RALGAPA1: variants seen among roughly 807,000 people sequenced by gnomAD.
RALGAPA1 encodes Ral GTPase activating protein catalytic subunit alpha 1.
RALGAPA1 carries 52 observed loss-of-function variants against 269.6 expected under a neutral mutation model. The ratio of observed to expected loss-of-function variants is 0.19; its 90% CI spans 0.15 to 0.24. The LOEUF is 0.24. Ranked by LOEUF, RALGAPA1 falls within the 10% of genes least tolerant of loss-of-function variation. The pLI is 1.00. For synonymous variants in RALGAPA1, 817 were observed against 1,008.3 expected (o/e 0.81, Z 3.60); for missense variants, 1,917 against 3,013.9 (o/e 0.64, Z 8.52).
intron 15 of RALGAPA1, among the ~76,000 whole-genome samples, chr14:35,722,499 G>A (rs1166499935): frequency 6.6e-6 from 1 of 151,908 alleles, no homozygotes; most frequent in African/African-American, 2.4e-5. Flanking sequence ...TGTAGTCCCA[G>A]CTACTTGGGA....
intron 39 of RALGAPA1, among the ~76,000 whole-genome samples, chr14:35,551,523 G>A (rs1215051145): frequency 6.6e-6 from 1 of 152,040 alleles, no homozygotes; most frequent in Non-Finnish European, 1.5e-5. Flanking sequence ...AAAGTAGGGT[G>A]GAGACACCTA....
intron 41 of RALGAPA1, chr14:35,541,783 AG>A (rs1237385874): frequency 2.2e-6 from 1 of 457,168 alleles, no homozygotes; most frequent in Admixed American, 2.3e-5. Context: ...TGGGAGGAAG[AG>A]AACTATCACT....
Position 35,723,281 on chromosome 14 carries a change from C to T in RALGAPA1, c.1867-17G>A. 7.3e-7 allele frequency: 1 copy of T among 1,378,118 alleles called. No homozygotes were observed. The allele number at this position is 1,378,118 out of a possible 1,614,324, so 85.4% of individuals were successfully genotyped here. A position where few individuals can be genotyped will look rare whatever the true frequency, so the allele number is the denominator to read the frequency against. ...TATAAGGGTCTATAAAGACAAATATCAGAAATAACAATAAAATGTGTTTAG... is the reference window on the plus strand; with the variant it reads ...TATAAGGGTCTATAAAGACAAATATTAGAAATAACAATAAAATGTGTTTAG... On this transcript the variant is annotated splice_polypyrimidine_tract_variant and intron_variant, in intron 14 of 41. Transcript: ENST00000680220.
At chr14:35,579,070 G>A (rs1165765191) in intron 37 of RALGAPA1, among the ~76,000 whole-genome samples, 3 of 152,180 alleles carry the variant, frequency 2.0e-5, no homozygotes, top group Non-Finnish European at 4.4e-5. Flanking sequence ...GTCTAAAAAG[G>A]TCTTTCTGAG....
chr14:35,758,019 C>A (rs559356746), intron 6 of RALGAPA1, among the ~76,000 whole-genome samples: 1 of 151,996 alleles, frequency 6.6e-6, no homozygotes, highest in African/African-American at 2.4e-5. Context: ...GAGGCCGAGG[C>A]GAGTGGATCA....
chr14:35,548,629 C>T lies in RALGAPA1; in HGVS notation c.7622-91G>A, dbSNP rs2054678843. The T allele has an allele frequency of 5.8e-6, 5 of 858,324 alleles. No homozygotes were observed. The East Asian group carries it at 1.3e-4, about 23-fold the overall frequency. 53.2% of individuals were successfully genotyped at this position (858,324 alleles called of 1,614,324 possible). On this transcript the variant is annotated intron_variant, in intron 40 of 41. Transcript: ENST00000680220. Reference sequence around the variant, plus strand: ...GAGTCATTTATTTTCTTACTGATTTCTTCAAAATTAATCATAAAATGCAGT... The same window carrying T: ...GAGTCATTTATTTTCTTACTGATTTTTTCAAAATTAATCATAAAATGCAGT...
chr14:35,723,274 C>A lies in RALGAPA1; in HGVS notation c.1867-10G>T. 2 of 1,434,730 alleles carry A rather than the reference C, an allele frequency of 1.4e-6. No individual in the cohort carries two copies. Among genetic ancestry groups the A allele is most frequent in the South Asian group, 1.3e-5 (1 of 79,972 alleles). The allele number at this position is 1,434,730 out of a possible 1,614,324, so 88.9% of individuals were successfully genotyped here. A position where few individuals can be genotyped will look rare whatever the true frequency, so the allele number is the denominator to read the frequency against. Reference sequence around the variant, plus strand: ...AGGCAACTATAAGGGTCTATAAAGACAAATATCAGAAATAACAATAAAATG... The same window carrying A: ...AGGCAACTATAAGGGTCTATAAAGAAAAATATCAGAAATAACAATAAAATG... On this transcript the variant is annotated splice_polypyrimidine_tract_variant and intron_variant, in intron 14 of 41. Transcript: ENST00000680220.
intron 10 of RALGAPA1, among the ~76,000 whole-genome samples, chr14:35,743,928 A>G (rs1296690845): frequency 6.6e-6 from 1 of 152,198 alleles, no homozygotes. Flanking sequence ...TATCACAAAT[A>G]CACATTTTCA....
chr14:35,732,658 G>A (rs986688936), intron 12 of RALGAPA1, among the ~76,000 whole-genome samples: 6 of 152,120 alleles, frequency 3.9e-5, no homozygotes, highest in African/African-American at 1.4e-4. Context: ...GACAAAGAGG[G>A]ACATTATATA....
chr14:35,723,329 T>C, intron 14 of RALGAPA1, 65 bp from the exon 15 acceptor site: 1 of 878,336 alleles, frequency 1.1e-6, no homozygotes, highest in Non-Finnish European at 1.7e-6. Flanking sequence ...AAATCAGACA[T>C]TCAATTCTTA....
intron 33 of RALGAPA1, among the ~76,000 whole-genome samples, chr14:35,629,779 G>T (rs750380770): frequency 6.6e-6 from 1 of 152,190 alleles, no homozygotes; most frequent in African/African-American, 2.4e-5. Flanking sequence ...GATTACAGGC[G>T]TGAGCCACTG....
intron 33 of RALGAPA1, among the ~76,000 whole-genome samples, chr14:35,633,303 C>T (rs1390177197): frequency 6.6e-6 from 1 of 152,092 alleles, no homozygotes; most frequent in Non-Finnish European, 1.5e-5. Context: ...CTTATTACGT[C>T]AAATCTAAAA....
rs759091449 is a variant in RALGAPA1, at chr14:35,674,503, AT to A, written c.4818+12del. ...ATTTTCTTCTCCACTTATATCCGCT[AT>A]TTCTTTTTTACCTTAGCTAGATTCT... is the stretch of plus-strand genomic sequence containing the variant. On this transcript the variant is annotated intron_variant, in intron 23 of 41. Coordinates refer to ENST00000680220, the MANE Select transcript of RALGAPA1 (RefSeq NM_001346249.2). 2 of 1,594,858 alleles carry A rather than the reference AT, an allele frequency of 1.3e-6. No homozygotes were observed. The highest frequency in any genetic ancestry group is 1.7e-6 in the Non-Finnish European group (2 of 1,170,212).
chr14:35,696,308 G>T (rs545653402), intron 17 of RALGAPA1, among the ~76,000 whole-genome samples: 2 of 152,278 alleles, frequency 1.3e-5, no homozygotes, highest in South Asian at 2.1e-4. Context: ...CAGCTACATG[G>T]GAGGCTGAGG....
At chr14:35,604,003 T>C (rs992046535) in intron 36 of RALGAPA1, among the ~76,000 whole-genome samples, 5 of 152,142 alleles carry the variant, frequency 3.3e-5, no homozygotes, top group African/African-American at 1.2e-4. Flanking sequence ...AGATTTGAAA[T>C]GTTCCCAACA....
chr14:35,766,499 T>A, intron 4 of RALGAPA1: 1 of 1,301,458 alleles, frequency 7.7e-7, no homozygotes, highest in African/African-American at 1.5e-5. Context: ...ACATTACTTA[T>A]TCAATTGTCT....
chr14:35,753,846 C>T (rs1316855491), intron 7 of RALGAPA1, among the ~76,000 whole-genome samples: 4 of 152,124 alleles, frequency 2.6e-5, no homozygotes, highest in African/African-American at 7.2e-5. Flanking sequence ...TGCATCATAT[C>T]TCAATAAAGC....
chr14:35,609,139 ATG>A (rs2139263327), intron 35 of RALGAPA1, among the ~76,000 whole-genome samples: 1 of 151,642 alleles, frequency 6.6e-6, no homozygotes, highest in African/African-American at 2.4e-5. Flanking sequence ...AGGCAGGAGA[ATG>A]GCGTGAACTT....
At chr14:35,663,568 G>A (rs1457613660) in intron 27 of RALGAPA1, among the ~76,000 whole-genome samples, 5 of 151,272 alleles carry the variant, frequency 3.3e-5, no homozygotes, top group Non-Finnish European at 7.4e-5. Flanking sequence ...AACTTCTCAG[G>A]ACTGTTAAAC....
Sources: allele counts gnomAD v4.1 joint callset (sites outside exome capture counted in the v4.1 genomes callset), GRCh38; gene constraint gnomAD v4.1.1; transcripts MANE v1.5; gene names NCBI Gene and HGNC (gene_info 2026-07-23, HGNC 2026-07-21).